TENM4: variants seen among roughly 807,000 people sequenced by gnomAD.
The protein encoded by TENM4 is teneurin transmembrane protein 4.
TENM4 carries 82 observed loss-of-function variants against 243.3 expected under a neutral mutation model. The observed-to-expected ratio is 0.34, with a 90% CI of 0.28 to 0.40. The LOEUF (loss-of-function observed/expected upper bound fraction) is 0.40, where lower values mean the gene tolerates loss of function less well. TENM4 is among the 10% of genes least tolerant of loss of function. The probability of loss-of-function intolerance (pLI) is 1.00; values close to 1 mark genes in which losing one functional copy is unlikely to be tolerated. For missense variants in TENM4, 3,138 were observed against 3,673.3 expected, an observed-to-expected ratio of 0.85 and a Z score of 3.77; for synonymous variants, 1,412 against 1,456.3, an observed-to-expected ratio of 0.97 and a Z score of 0.69.
chr11:79,068,308 AG>A (rs1860318753), intron 5 of TENM4: 1 of 152,278 alleles, frequency 6.6e-6, no homozygotes, highest in Non-Finnish European at 1.5e-5. Context: ...CAGGTAAAGT[AG>A]CTGAGAATAC....
chr11:79,087,792 T>A (rs1860844498), intron 4 of TENM4, among the ~76,000 whole-genome samples: 1 of 152,232 alleles, frequency 6.6e-6, no homozygotes, highest in Admixed American at 6.5e-5. Flanking sequence ...TGACTCTAGC[T>A]GAGGAGGCCC....
chr11:79,202,166 AGCACT>A lies in TENM4; in HGVS notation c.-163+13637_-163+13641del, dbSNP rs1277972191. 2.6e-5 allele frequency among the ~76,000 whole-genome samples: 4 copies of A among 152,180 alleles called. No homozygotes were observed. The South Asian group carries it at 8.3e-4, about 32-fold the overall frequency. ...GCTGCCTCCTGTAGACACTGGTCAC[AGCACT>A]GCCAGGAACAGGACCTCGTCCCATA... On this transcript the variant is annotated intron_variant, in intron 3 of 33. Transcript: ENST00000278550.
chr11:78,895,833 C>T lies in TENM4; in HGVS notation c.750-4497G>A, dbSNP rs1261309562. 2.6e-5 allele frequency among the ~76,000 whole-genome samples: 4 copies of T among 152,170 alleles called. No homozygotes were observed. The East Asian group carries it at 7.7e-4, about 29-fold the overall frequency. On this transcript the variant is annotated intron_variant, in intron 7 of 33. Coordinates refer to ENST00000278550, the MANE Select transcript of TENM4 (RefSeq NM_001098816.3). ...AATTAGGTGAAGATGGGATTTAAAC[C>T]AGATCTCTCTGACCTCACAGCCCTG...
chr11:79,229,848 C>CA (rs58060310), intron 2 of TENM4, among the ~76,000 whole-genome samples: 5,642 of 151,928 alleles, frequency 0.037, 301 homozygotes, highest in African/African-American at 0.12. Flanking sequence ...TTTTAACAGA[C>CA]AAAGTACTTG....
At chr11:79,022,026 G>A (rs1405709543) in intron 6 of TENM4, among the ~76,000 whole-genome samples, 3 of 152,140 alleles carry the variant, frequency 2.0e-5, no homozygotes, top group Non-Finnish European at 2.9e-5. Flanking sequence ...GAGAAACCAA[G>A]GGACATTGAT....
intron 6 of TENM4, among the ~76,000 whole-genome samples, chr11:79,029,352 T>C (rs551704106): frequency 1.3e-5 from 2 of 152,284 alleles, no homozygotes; most frequent in Admixed American, 6.5e-5. Context: ...TTCAAATTTG[T>C]TTTCTGGGAG....
intron 3 of TENM4, among the ~76,000 whole-genome samples, chr11:79,213,353 G>A (rs573029547): frequency 1.3e-5 from 2 of 152,306 alleles, no homozygotes; most frequent in African/African-American, 4.8e-5. Flanking sequence ...GGCCAACAAA[G>A]TAGGTCCCTG....
chr11:78,719,218 C>T (rs943722037), intron 25 of TENM4, among the ~76,000 whole-genome samples: 10 of 152,118 alleles, frequency 6.6e-5, no homozygotes, highest in African/African-American at 2.4e-4. Flanking sequence ...GGAATTTTTT[C>T]AAGGCCACAT....
At chr11:79,163,795 A>T (rs1444853567) in intron 3 of TENM4, among the ~76,000 whole-genome samples, 2 of 46,288 alleles carry the variant, frequency 4.3e-5, no homozygotes, top group Non-Finnish European at 9.0e-5. Context: ...ATATATACAC[A>T]CACATATATA....
chr11:78,724,742 C>T (rs80333336), intron 23 of TENM4, among the ~76,000 whole-genome samples: 3,794 of 152,344 alleles, frequency 0.025, 158 homozygotes, highest in African/African-American at 0.086. Flanking sequence ...GCTACATCCA[C>T]GACTAAGTTC....
chr11:79,340,174 G>A (rs968164043), intron 1 of TENM4, among the ~76,000 whole-genome samples: 3 of 152,196 alleles, frequency 2.0e-5, no homozygotes, highest in African/African-American at 7.2e-5. Context: ...AATTATTTCA[G>A]TGGAAATGTC....
At chr11:79,353,166 A>G (rs191951046) in intron 1 of TENM4, among the ~76,000 whole-genome samples, 2 of 152,320 alleles carry the variant, frequency 1.3e-5, no homozygotes, top group East Asian at 3.9e-4. Context: ...CGAGGCACCA[A>G]TGAGAAATAC....
At chr11:78,904,782 C>T (rs1856026117) in intron 6 of TENM4, among the ~76,000 whole-genome samples, 1 of 152,146 alleles carries the variant, frequency 6.6e-6, no homozygotes, top group Admixed American at 6.5e-5. Context: ...AAGTAAAGTG[C>T]CCAAGGGTTT....
intron 1 of TENM4, among the ~76,000 whole-genome samples, chr11:79,325,048 C>T (rs559143377): frequency 6.6e-6 from 1 of 152,240 alleles, no homozygotes; most frequent in Admixed American, 6.5e-5. Context: ...GCTCTAGTGG[C>T]CCTCCCCCAT....
intron 3 of TENM4, among the ~76,000 whole-genome samples, chr11:79,178,470 G>T (rs1264891806): frequency 1.3e-5 from 2 of 152,200 alleles, no homozygotes; most frequent in Non-Finnish European, 2.9e-5. Context: ...AAGAACCAGT[G>T]AAAGAGGTGG....
In TENM4 at chr11:79,030,050, C is replaced by A. The variant is rs74459781; in HGVS notation, c.493+34688G>T. Among the ~76,000 whole-genome samples, 1,233 of 152,172 alleles carry A rather than the reference C, an allele frequency of 8.1e-3. 5 individuals are homozygous for A. The highest frequency in any genetic ancestry group is 0.013 in the Non-Finnish European group (859 of 68,016). On this transcript the variant is annotated intron_variant, in intron 6 of 33. Transcript: ENST00000278550. ...CCCACCCAGTTCAATGGGAGGCAAT[C>A]GGAATCCGCCCTGGATTAAAAGCAA...
rs565993318 is a variant in TENM4 at position 79,350,791 on chromosome 11, A to G, written c.-320-53248T>C. 3.3e-5 allele frequency among the ~76,000 whole-genome samples: 5 copies of G among 151,950 alleles called. No homozygotes were observed. In the East Asian group the frequency reaches 9.7e-4, roughly 29 times the overall value. On this transcript the variant is annotated intron_variant, in intron 1 of 33. Coordinates refer to ENST00000278550, the MANE Select transcript of TENM4 (RefSeq NM_001098816.3). The stretch of plus-strand genomic sequence containing the variant: ...TCTAATGCTGCTCCTGCTCCCAACT[A>G]CCACGCCCTTCAGGGTGTTCTCAAC...
chr11:79,381,418 G>T (rs1337511117), intron 1 of TENM4, among the ~76,000 whole-genome samples: 1 of 151,762 alleles, frequency 6.6e-6, no homozygotes, highest in Non-Finnish European at 1.5e-5. Context: ...AAGGCTCCTT[G>T]TCTGTTGTAA....
At chr11:79,251,545 G>T (rs1855611882) in intron 2 of TENM4, among the ~76,000 whole-genome samples, 1 of 152,196 alleles carries the variant, frequency 6.6e-6, no homozygotes, top group Admixed American at 6.5e-5. Context: ...CACCTTGAAT[G>T]CAGGGAAATC....
Sources: allele counts gnomAD v4.1 joint callset (sites outside exome capture counted in the v4.1 genomes callset), GRCh38; gene constraint gnomAD v4.1.1; transcripts MANE v1.5; gene names NCBI Gene and HGNC (gene_info 2026-07-23, HGNC 2026-07-21).